The following ARHGAP24 variants were observed in gnomAD, a reference collection of about 807,000 sequenced individuals.
ARHGAP24 encodes the protein Rho GTPase activating protein 24.
A neutral mutation model predicts 76.4 loss-of-function variants in ARHGAP24; 50 were observed. The ratio of observed to expected loss-of-function variants is 0.65; its 90% CI spans 0.52 to 0.83. The LOEUF (loss-of-function observed/expected upper bound fraction) is 0.83, where lower values mean the gene tolerates loss of function less well. Ranked by LOEUF, ARHGAP24 falls within the 40% of genes least tolerant of loss-of-function variation. ARHGAP24 has a pLI of 0.00. For synonymous variants in ARHGAP24, 345 were observed against 323.3 expected (o/e 1.07, Z -0.72); for missense variants, 930 against 914.2 (o/e 1.02, Z -0.22).
At chr4:85,552,628 C>T (rs1477455712) in intron 1 of ARHGAP24, among the ~76,000 whole-genome samples, 3 of 152,032 alleles carry the variant, frequency 2.0e-5, no homozygotes, top group Non-Finnish European at 4.4e-5. Context: ...ATTGACATCT[C>T]CCGTGATTAT....
chr4:85,616,926 C>T (rs561370901), intron 2 of ARHGAP24, among the ~76,000 whole-genome samples: 13 of 152,132 alleles, frequency 8.5e-5, no homozygotes, highest in Admixed American at 5.2e-4. Flanking sequence ...GCATGCCCAG[C>T]GGCTTCCTTT....
chr4:85,867,315 A>G (rs1349220212), intron 3 of ARHGAP24, among the ~76,000 whole-genome samples: 1 of 152,100 alleles, frequency 6.6e-6, no homozygotes, highest in East Asian at 1.9e-4. Flanking sequence ...AATCTTTAAC[A>G]TGTGGAAGTG....
At chr4:85,612,680 A>C (rs1253258828) in intron 2 of ARHGAP24, among the ~76,000 whole-genome samples, 1 of 151,372 alleles carries the variant, frequency 6.6e-6, no homozygotes, top group East Asian at 1.9e-4. Context: ...TATACCCACC[A>C]CTCACATTTA....
intron 1 of ARHGAP24, among the ~76,000 whole-genome samples, chr4:85,565,060 C>T (rs947772145): frequency 6.7e-6 from 1 of 150,094 alleles, no homozygotes; most frequent in African/African-American, 2.4e-5. Flanking sequence ...CATGCTGTCT[C>T]ATTTCTTTTG....
chr4:85,923,529 G>T, intron 3 of ARHGAP24, 119 bp from the exon 4 acceptor site: 13 of 1,381,702 alleles, frequency 9.4e-6, no homozygotes, highest in Non-Finnish European at 1.0e-5. Context: ...TTTCATCATT[G>T]GGTAGAACTT....
intron 2 of ARHGAP24, among the ~76,000 whole-genome samples, chr4:85,661,245 G>T (rs1412133535): frequency 9.1e-6 from 1 of 109,522 alleles, no homozygotes; most frequent in Non-Finnish European, 1.9e-5. Context: ...AAAAAAAGTA[G>T]CTTAGTTAAC....
At chr4:85,788,691 T>C (rs1259390732) in intron 3 of ARHGAP24, among the ~76,000 whole-genome samples, 1 of 152,222 alleles carries the variant, frequency 6.6e-6, no homozygotes, top group Middle Eastern at 3.2e-3. Flanking sequence ...TTACCAGTGT[T>C]ATCTTAAGTG....
chr4:85,924,433 G>A (rs1263942538), intron 4 of ARHGAP24, among the ~76,000 whole-genome samples: 1 of 151,984 alleles, frequency 6.6e-6, no homozygotes, highest in African/African-American at 2.4e-5. Flanking sequence ...AGTATTCAAC[G>A]AAAATGAGCA....
At chr4:85,872,312 A>T (rs112176342) in intron 3 of ARHGAP24, among the ~76,000 whole-genome samples, 51 of 151,646 alleles carry the variant, frequency 3.4e-4, no homozygotes, top group African/African-American at 9.7e-4. Context: ...TTTTTTTTTA[A>T]TGGAGACAAA....
chr4:85,531,265 A>T (rs913357191), intron 1 of ARHGAP24, among the ~76,000 whole-genome samples: 1 of 152,072 alleles, frequency 6.6e-6, no homozygotes, highest in Non-Finnish European at 1.5e-5. Flanking sequence ...AGATACGTTG[A>T]TGGTCTATTT....
At chr4:85,667,332 A>G (rs1578125199) in intron 2 of ARHGAP24, among the ~76,000 whole-genome samples, 1 of 152,100 alleles carries the variant, frequency 6.6e-6, no homozygotes, top group East Asian at 1.9e-4. Flanking sequence ...CTGGTGCGCC[A>G]TTTTTTAAGC....
At chr4:85,852,310 G>A (rs1290355849) in intron 3 of ARHGAP24, among the ~76,000 whole-genome samples, 7 of 152,084 alleles carry the variant, frequency 4.6e-5, no homozygotes, top group Non-Finnish European at 7.4e-5. Context: ...GGTCATTTAA[G>A]GTTTTCTCTA....
intron 2 of ARHGAP24, among the ~76,000 whole-genome samples, chr4:85,662,140 A>G (rs924206683): frequency 6.6e-6 from 1 of 152,174 alleles, no homozygotes. Context: ...CCAACAGTGT[A>G]AAAGTGTTCC....
At position 85,572,039 on chromosome 4, in the gene ARHGAP24, T is replaced by C. The variant is rs543873034; in HGVS notation, c.180+1318T>C. ...TGTCATTGCAAACCAGTGGGGAATA[T>C]GGGGATTATTTTTACAGAGGAGGAA... On this transcript the variant is annotated intron_variant, in intron 2 of 9. Transcript: ENST00000395184. 6.6e-5 allele frequency among the ~76,000 whole-genome samples: 10 copies of C among 152,262 alleles called. No homozygotes were observed. The South Asian group carries it at 2.1e-3, about 32-fold the overall frequency.
In ARHGAP24 at chr4:86,001,145, C is replaced by T. The variant is rs978530626; in HGVS notation, c.*423C>T. ...TTTATAGATCAATATTTTTATTTCCCTTTTTTGCTGAGGAAATGAAGATAA... is the reference window on the plus strand; with the variant it reads ...TTTATAGATCAATATTTTTATTTCCTTTTTTTGCTGAGGAAATGAAGATAA... On this transcript the variant is annotated 3_prime_UTR_variant, in exon 10 of 10. Transcript: ENST00000395184. 10 of 387,490 alleles carry T rather than the reference C, an allele frequency of 2.6e-5. No individual in the cohort carries two copies. Among genetic ancestry groups the T allele is most frequent in the Admixed American group, 1.3e-4 (3 of 22,844 alleles). 24.0% of individuals were successfully genotyped at this position (387,490 alleles called of 1,614,324 possible). A position where few individuals can be genotyped will look rare whatever the true frequency, so the allele number is the denominator to read the frequency against.
At chr4:85,566,172 C>T (rs1578041399) in intron 1 of ARHGAP24, among the ~76,000 whole-genome samples, 1 of 152,168 alleles carries the variant, frequency 6.6e-6, no homozygotes. Flanking sequence ...TAGATTATTA[C>T]TTTGTTCATT....
intron 1 of ARHGAP24, among the ~76,000 whole-genome samples, chr4:85,506,596 G>A (rs1724058750): frequency 1.3e-5 from 2 of 149,366 alleles, no homozygotes; most frequent in African/African-American, 2.6e-5. Flanking sequence ...TGAAGACCAT[G>A]AGAAAAGCAC....
chr4:85,940,683 G>C (rs1177482739), intron 4 of ARHGAP24, among the ~76,000 whole-genome samples: 1 of 152,074 alleles, frequency 6.6e-6, no homozygotes, highest in African/African-American at 2.4e-5. Context: ...CCTGTTATCT[G>C]CTCTAATCTT....
rs759465369 is a variant in ARHGAP24 at position 85,995,206 on chromosome 4, G to A, written c.1552G>A (p.Glu518Lys). Reference sequence around the variant, plus strand: ...GACCCTGAGGGATAACAAGCAGAAAGAACAAGCTGGAGAGTTAGGCCAGCA... The same window carrying A: ...GACCCTGAGGGATAACAAGCAGAAAAAACAAGCTGGAGAGTTAGGCCAGCA... ...YVTLRDNKQKEQAGELGQHNR... is the reference protein window; with the variant it reads ...YVTLRDNKQKKQAGELGQHNR... The change falls in exon 9 of 10, where the codon GAA becomes AAA. Residue 518 changes from glutamate to lysine, a missense_variant. Transcript: ENST00000395184. 1.4e-5 allele frequency: 23 copies of A among 1,613,972 alleles called. No individual in the cohort carries two copies. In the South Asian group the frequency reaches 2.2e-4, roughly 15 times the overall value.
Sources: gnomAD v4.1 joint callset for allele counts (sites outside exome capture counted in the v4.1 genomes callset) on GRCh38, gnomAD v4.1.1 for gene constraint, MANE v1.5 for transcripts, NCBI Gene and HGNC (gene_info 2026-07-23, HGNC 2026-07-21) for gene names.